Variants in ARMC7 observed in about 807,000 individuals in gnomAD.
ARMC7 encodes armadillo repeat-containing protein 7.
Under a neutral mutation model 14.8 loss-of-function variants are expected in ARMC7, and 9 were observed. The ratio of observed to expected loss-of-function variants is 0.61; its 90% CI spans 0.37 to 1.06. The LOEUF (loss-of-function observed/expected upper bound fraction) is 1.06, where lower values mean the gene tolerates loss of function less well. ARMC7 is among the 50% of genes least tolerant of loss of function. The pLI is 0.01. For synonymous variants in ARMC7, 125 were observed against 123.4 expected (o/e 1.01, Z -0.09); for missense variants, 262 against 267.1 (o/e 0.98, Z 0.13).
chr17:75,126,636 C>T (rs1347977078), intron 2 of ARMC7, among the ~76,000 whole-genome samples: 1 of 151,128 alleles, frequency 6.6e-6, no homozygotes, highest in Non-Finnish European at 1.5e-5. Flanking sequence ...GGCTGGAGTG[C>T]AATGGCGCAA....
chr17:75,116,786 A>G lies in ARMC7; in HGVS notation c.235+6180A>G, dbSNP rs558313267. Among the ~76,000 whole-genome samples the G allele has an allele frequency of 8.5e-5, 13 of 152,326 alleles. No homozygotes were observed. The South Asian group carries it at 2.5e-3, about 29-fold the overall frequency. On this transcript the variant is annotated intron_variant, in intron 2 of 2. Coordinates refer to ENST00000245543, the MANE Select transcript of ARMC7 (RefSeq NM_024585.4). ...TTACTCCAAATTGCTCATTTTATCAATAAGGAAGCTGCGGTGCAGACAGCT... is the reference window on the plus strand; with the variant it reads ...TTACTCCAAATTGCTCATTTTATCAGTAAGGAAGCTGCGGTGCAGACAGCT...
rs1189661846 is a variant in ARMC7, at chr17:75,129,904, G to A, written c.*866G>A. On this transcript the variant is annotated 3_prime_UTR_variant, in exon 3 of 3. Coordinates refer to ENST00000245543, the MANE Select transcript of ARMC7 (RefSeq NM_024585.4). ...CGAGGGCATCAGGGACGCAGTGAGT[G>A]TTGCTCAAGGGAGTCAGGAAGAGAC... is the stretch of plus-strand genomic sequence containing the variant. The A allele has an allele frequency of 6.5e-6, 1 of 152,990 alleles. No individual in the cohort carries two copies. Among genetic ancestry groups the A allele is most frequent in the Non-Finnish European group, 1.5e-5 (1 of 68,696 alleles). 9.5% of individuals were successfully genotyped at this position (152,990 alleles called of 1,614,324 possible).
intron 2 of ARMC7, among the ~76,000 whole-genome samples, chr17:75,112,506 G>A (rs207476585): frequency 4.0e-5 from 6 of 150,344 alleles, no homozygotes; most frequent in Non-Finnish European, 7.4e-5. Context: ...CCCTCTTTAC[G>A]TATGATACCC....
At chr17:75,125,800 C>T (rs1371714322) in intron 2 of ARMC7, among the ~76,000 whole-genome samples, 6 of 152,116 alleles carry the variant, frequency 3.9e-5, no homozygotes, top group Non-Finnish European at 5.9e-5. Flanking sequence ...GCCGAGATCG[C>T]GCCACTTCAC....
chr17:75,124,882 C>T (rs529088435), intron 2 of ARMC7, among the ~76,000 whole-genome samples: 31 of 152,330 alleles, frequency 2.0e-4, no homozygotes, highest in Admixed American at 1.6e-3. Context: ...GAAGTGTCCA[C>T]GGTTCTAGGA....
intron 2 of ARMC7, among the ~76,000 whole-genome samples, chr17:75,119,605 C>T (rs145271954): frequency 0.029 from 4,107 of 143,886 alleles, 200 homozygotes; most frequent in African/African-American, 0.098. Flanking sequence ...CCCGCTACCA[C>T]GCCCAGCTAA....
chr17:75,115,494 C>T (rs139186778), intron 2 of ARMC7, among the ~76,000 whole-genome samples: 10 of 151,878 alleles, frequency 6.6e-5, no homozygotes, highest in African/African-American at 2.2e-4. Context: ...GCCAAGATCA[C>T]GCCACTGCAC....
chr17:75,119,626 ATT>A (rs71159437), intron 2 of ARMC7, among the ~76,000 whole-genome samples: 520 of 142,136 alleles, frequency 3.7e-3, no homozygotes, highest in South Asian at 5.0e-3. Context: ...TTTTTTTTGT[ATT>A]TTTTTTTTTT....
chr17:75,117,528 T>C (rs1235709451), intron 2 of ARMC7, among the ~76,000 whole-genome samples: 1 of 152,120 alleles, frequency 6.6e-6, no homozygotes, highest in Non-Finnish European at 1.5e-5. Context: ...CAGGAGGCTA[T>C]ATATTGGTTT....
At chr17:75,123,491 C>T (rs866865906) in intron 2 of ARMC7, among the ~76,000 whole-genome samples, 10 of 151,506 alleles carry the variant, frequency 6.6e-5, no homozygotes, top group African/African-American at 2.2e-4. Flanking sequence ...GTAGCTGGGA[C>T]TACAGGTGCC....
intron 2 of ARMC7, among the ~76,000 whole-genome samples, chr17:75,122,507 G>A (rs111731576): frequency 2.0e-5 from 3 of 151,264 alleles, no homozygotes; most frequent in East Asian, 2.0e-4. Context: ...GACTACGGGC[G>A]TGTGCCACCA....
At chr17:75,115,895 G>A (rs2073969729) in intron 2 of ARMC7, among the ~76,000 whole-genome samples, 1 of 152,178 alleles carries the variant, frequency 6.6e-6, no homozygotes, top group African/African-American at 2.4e-5. Flanking sequence ...TAGGGTTAGT[G>A]TCTGCAGCCA....
Position 75,129,290 on chromosome 17 carries a change from G to A in ARMC7, c.*252G>A. On this transcript the variant is annotated 3_prime_UTR_variant, in exon 3 of 3. Transcript: ENST00000245543. ...TGGCACTCTCAATCCTACATCAGGT[G>A]CCACCACCACCAGACTCAGGCCCTG... is the stretch of plus-strand genomic sequence containing the variant. 1.8e-6 allele frequency: 1 copy of A among 560,662 alleles called. No homozygotes were observed. The highest frequency in any genetic ancestry group is 3.1e-6 in the Non-Finnish European group (1 of 324,300). The allele number at this position is 560,662 out of a possible 1,614,324, so 34.7% of individuals were successfully genotyped here.
intron 2 of ARMC7, among the ~76,000 whole-genome samples, chr17:75,124,978 G>A (rs1005370181): frequency 6.6e-6 from 1 of 152,196 alleles, no homozygotes; most frequent in Admixed American, 6.5e-5. Flanking sequence ...CACGCTAGGG[G>A]CCACCCTGTG....
intron 2 of ARMC7, among the ~76,000 whole-genome samples, chr17:75,128,418 G>T (rs945286974): frequency 6.6e-6 from 1 of 151,948 alleles, no homozygotes; most frequent in Non-Finnish European, 1.5e-5. Context: ...GAAAAAAAAA[G>T]CGTATCAGCC....
chr17:75,116,750 G>C (rs1174327870), intron 2 of ARMC7, among the ~76,000 whole-genome samples: 1 of 152,230 alleles, frequency 6.6e-6, no homozygotes, highest in Non-Finnish European at 1.5e-5. Context: ...GAGCGAAAGC[G>C]AGAAAGGAGT....
chr17:75,110,745 C>A lies in ARMC7; in HGVS notation c.235+139C>A, dbSNP rs558223024. ...TGGGAAGCTAAGGCGGGCGGATCACCTGAGGTCATGAGTTCGAGACCAGCC... is the reference window on the plus strand; with the variant it reads ...TGGGAAGCTAAGGCGGGCGGATCACATGAGGTCATGAGTTCGAGACCAGCC... On this transcript the variant is annotated intron_variant, in intron 2 of 2. Coordinates refer to ENST00000245543, the MANE Select transcript of ARMC7 (RefSeq NM_024585.4). The A allele has an allele frequency of 9.3e-6, 11 of 1,187,296 alleles. No individual in the cohort carries two copies. The South Asian group carries it at 1.6e-4, about 17-fold the overall frequency. 73.5% of individuals were successfully genotyped at this position (1,187,296 alleles called of 1,614,324 possible).
chr17:75,119,456 T>TTG (rs1568016838), intron 2 of ARMC7, among the ~76,000 whole-genome samples: 1 of 133,344 alleles, frequency 7.5e-6, no homozygotes, highest in African/African-American at 3.9e-5. Flanking sequence ...GTTTTTTCTT[T>TTG]TTTTTTTTTT....
chr17:75,118,122 CAAA>C (rs572926779), intron 2 of ARMC7, among the ~76,000 whole-genome samples: 2 of 112,798 alleles, frequency 1.8e-5, no homozygotes, highest in Non-Finnish European at 2.0e-5. Flanking sequence ...AAGACTGTCT[CAAA>C]AAAAAAAAAA....
Sources: gnomAD v4.1 joint callset for allele counts (sites outside exome capture counted in the v4.1 genomes callset) on GRCh38, gnomAD v4.1.1 for gene constraint, MANE v1.5 for transcripts, NCBI Gene and HGNC (gene_info 2026-07-23, HGNC 2026-07-21) for gene names.